Variants in DEFB121 observed in about 807,000 individuals in gnomAD.
DEFB121 encodes the protein defensin beta 121.
In DEFB121, 5 loss-of-function variants were observed where a neutral mutation model predicts 2.5. The observed-to-expected ratio is 1.96, with a 90% CI of 1.03 to 4.13. The LOEUF (loss-of-function observed/expected upper bound fraction) is 4.13. Among genes scored for constraint, DEFB121 ranks in the 30% most tolerant of loss-of-function variants. The pLI is 0.00. For missense variants in DEFB121, 87 were observed against 85.0 expected (o/e 1.02, Z -0.09); for synonymous variants, 39 against 32.6 (o/e 1.20, Z -0.67).
At chr20:31,412,253 G>A (rs1978683829) in intron 1 of DEFB121, among the ~76,000 whole-genome samples, 1 of 152,160 alleles carries the variant, frequency 6.6e-6, no homozygotes, top group Admixed American at 6.6e-5. Flanking sequence ...TCTGGTTCCT[G>A]GTGCTATGTG....
At chr20:31,407,219 C>T (rs543618670), upstream of DEFB121, among the ~76,000 whole-genome samples, 19 of 152,266 alleles carry the variant, frequency 1.2e-4, no homozygotes, top group Admixed American at 6.5e-4. Context: ...CACTGCACTC[C>T]AGCCTGGGCA....
At chr20:31,410,596 A>G (rs1978632401), upstream of DEFB121, among the ~76,000 whole-genome samples, 1 of 152,152 alleles carries the variant, frequency 6.6e-6, no homozygotes. Flanking sequence ...ACCCTCTGCA[A>G]CAGAGGACTA....
chr20:31,413,396 G>A (rs1341344802), upstream of DEFB121, among the ~76,000 whole-genome samples: 8 of 152,206 alleles, frequency 5.3e-5, no homozygotes, highest in Non-Finnish European at 1.2e-4. Flanking sequence ...AGAGCAGTAA[G>A]GATACTGTCC....
At chr20:31,416,744 C>T (rs1413841169), upstream of DEFB121, among the ~76,000 whole-genome samples, 1 of 152,190 alleles carries the variant, frequency 6.6e-6, no homozygotes, top group Non-Finnish European at 1.5e-5. Flanking sequence ...ACCTATTATT[C>T]CTAATTCTGA....
At chr20:31,416,473 A>G (rs1189735114), upstream of DEFB121, among the ~76,000 whole-genome samples, 1 of 152,210 alleles carries the variant, frequency 6.6e-6, no homozygotes, top group Non-Finnish European at 1.5e-5. Flanking sequence ...ATATTTGAAA[A>G]ACCTTAGTTT....
upstream of DEFB121, among the ~76,000 whole-genome samples, chr20:31,406,523 C>T (rs1322978501): frequency 6.6e-6 from 1 of 152,194 alleles, no homozygotes; most frequent in Admixed American, 6.5e-5. Context: ...AGGAGTGATA[C>T]TTCTCTGCGC....
At chr20:31,410,851 A>AGC (rs1978642677), upstream of DEFB121, among the ~76,000 whole-genome samples, 1 of 151,824 alleles carries the variant, frequency 6.6e-6, no homozygotes, top group African/African-American at 2.4e-5. Context: ...AGAGAGAGAG[A>AGC]GAGAAAGAGA....
At chr20:31,412,796 A>G in exon 1 of DEFB121, 1 of 700,468 alleles carries the variant, frequency 1.4e-6, no homozygotes, top group Non-Finnish European at 2.1e-6. Flanking sequence ...TCTCAAATCT[A>G]AGACCCAGAG....
At chr20:31,418,274 A>G in the DEFB121 span, among the ~76,000 whole-genome samples, 1 of 149,612 alleles carries the variant, frequency 6.7e-6, no homozygotes, top group African/African-American at 2.4e-5. Context: ...AAAAAAAAAA[A>G]AAAAAAAAGA....
upstream of DEFB121, among the ~76,000 whole-genome samples, chr20:31,410,195 T>C (rs937692409): frequency 1.2e-4 from 18 of 152,132 alleles, no homozygotes; most frequent in African/African-American, 4.3e-4. Flanking sequence ...AAGAAGGAAA[T>C]CACATCCTTT....
At chr20:31,409,067 C>G (rs1568739748), upstream of DEFB121, among the ~76,000 whole-genome samples, 1 of 149,284 alleles carries the variant, frequency 6.7e-6, no homozygotes, top group Non-Finnish European at 1.5e-5. Context: ...TCACTTGAGG[C>G]CAGGAGTTTG....
chr20:31,408,631 G>A (rs975743159), upstream of DEFB121, among the ~76,000 whole-genome samples: 1 of 152,184 alleles, frequency 6.6e-6, no homozygotes, highest in Admixed American at 6.5e-5. Flanking sequence ...ATAAGCAAAT[G>A]AGTGTGGCTG....
At chr20:31,407,175 G>T (rs1355729732), upstream of DEFB121, among the ~76,000 whole-genome samples, 1 of 152,112 alleles carries the variant, frequency 6.6e-6, no homozygotes, top group Admixed American at 6.5e-5. Flanking sequence ...GCTTGAATCC[G>T]GGAGGCGGAG....
At chr20:31,409,339 C>T (rs1248072565), upstream of DEFB121, among the ~76,000 whole-genome samples, 1 of 152,156 alleles carries the variant, frequency 6.6e-6, no homozygotes, top group Non-Finnish European at 1.5e-5. Context: ...TAAGTGAAAA[C>T]AACCCAAAAG....
upstream of DEFB121, among the ~76,000 whole-genome samples, chr20:31,414,003 T>C (rs1434497916): frequency 6.6e-6 from 1 of 151,962 alleles, no homozygotes; most frequent in Non-Finnish European, 1.5e-5. Context: ...AGGTCAGGAG[T>C]TCGAGACCAG....
upstream of DEFB121, among the ~76,000 whole-genome samples, chr20:31,417,066 C>T (rs1248337150): frequency 6.6e-6 from 1 of 152,110 alleles, no homozygotes; most frequent in East Asian, 1.9e-4. Flanking sequence ...AGAAAGAAGG[C>T]CGGGCGCAAT....
upstream of DEFB121, among the ~76,000 whole-genome samples, chr20:31,413,632 C>G (rs1181895581): frequency 1.3e-5 from 2 of 152,136 alleles, no homozygotes; most frequent in African/African-American, 4.8e-5. Flanking sequence ...GAAAAGAGAG[C>G]TCTAGAGAGT....
At chr20:31,405,211 C>T (rs1978437965) in intron 1 of DEFB121, 126 bp from the exon 2 acceptor site, 1 of 865,034 alleles carries the variant, frequency 1.2e-6, no homozygotes, top group Non-Finnish European at 1.7e-6. Flanking sequence ...GGAAGAAGCT[C>T]TTACACAGGA....
In DEFB121 at chr20:31,406,095, C is replaced by T; in HGVS notation, c.58G>A (p.Val20Ile). 6.2e-7 allele frequency: 1 copy of T among 1,613,630 alleles called. No individual in the cohort carries two copies. Among genetic ancestry groups the T allele is most frequent in the East Asian group, 2.2e-5 (1 of 44,882 alleles). The change falls in exon 1 of 2, where the codon GTC becomes ATC. Residue 20 changes from valine (V) to isoleucine (I), a missense_variant and splice_region_variant. Physicochemically the swap from Val to Ile is conservative, Grantham distance 29. Coordinates refer to ENST00000376314, the MANE Select transcript of DEFB121 (RefSeq NM_001011878.3). ...VTLLLAQVTP[V>I]MKCWGKSGRC... ...ATCCCCTTCTGGAGATCCTGTTTAC[C>T]TGGGGTGACCTGGGCCAGGAGCAGA...
Sources: gnomAD v4.1 joint callset for allele counts (sites outside exome capture counted in the v4.1 genomes callset) on GRCh38, gnomAD v4.1.1 for gene constraint, MANE v1.5 for transcripts, NCBI Gene and HGNC (gene_info 2026-07-23, HGNC 2026-07-21) for gene names.